The following ABCC8 variants were observed in gnomAD, a reference collection of about 807,000 sequenced individuals.
ABCC8 encodes ATP binding cassette subfamily C member 8, also known as ATP-binding cassette sub-family C member 8.
In ABCC8, 137 loss-of-function variants were observed where a neutral mutation model predicts 188.0. That is an observed-to-expected ratio of 0.73 (90% confidence interval 0.63 to 0.84). The LOEUF is 0.84. Ranked by LOEUF, ABCC8 falls within the 40% of genes least tolerant of loss-of-function variation. The pLI, the probability that ABCC8 is intolerant of heterozygous loss-of-function variation, is 0.00. For synonymous variants in ABCC8, 797 were observed against 846.5 expected, an observed-to-expected ratio of 0.94 and a Z score of 1.01; for missense variants, 1,750 against 2,072.7, an observed-to-expected ratio of 0.84 and a Z score of 3.02.
At chr11:17,407,205 A>T in intron 24 of ABCC8, 76 bp from the exon 25 acceptor site, 5 of 1,601,788 alleles carry the variant, frequency 3.1e-6, no homozygotes, top group Non-Finnish European at 4.3e-6. Flanking sequence ...TTTTATCCCC[A>T]CTTACTGAGG....
rs192576944 is a variant in ABCC8, at chr11:17,459,874, A to C, written c.1011+614T>G. 2.0e-5 allele frequency among the ~76,000 whole-genome samples: 3 copies of C among 152,384 alleles called. No homozygotes were observed. The East Asian group carries it at 5.8e-4, about 29-fold the overall frequency. On this transcript the variant is annotated intron_variant, in intron 6 of 38. Coordinates refer to ENST00000389817, the MANE Select transcript of ABCC8 (RefSeq NM_000352.6). ...ACAACTGCCAAGGCCATTGGATATA[A>C]TCTAGTCTAATAAGTCTCCAGTGTT...
In ABCC8 at chr11:17,396,454, G is replaced by A. The variant is rs141443201; in HGVS notation, c.4119+462C>T. 1,734 of 289,970 alleles carry A rather than the reference G, an allele frequency of 6.0e-3. 8 individuals are homozygous for A. Among genetic ancestry groups the A allele is most frequent in the Non-Finnish European group, 9.1e-3 (1,365 of 150,400 alleles). 18.0% of individuals were successfully genotyped at this position (289,970 alleles called of 1,614,324 possible). A position where few individuals can be genotyped will look rare whatever the true frequency, so the allele number is the denominator to read the frequency against. ...CCAAGGTCAGAGAATGACATGGACA[G>A]CCACAGCAAAGTGAGACAGAGACAA... On this transcript the variant is annotated intron_variant, in intron 33 of 38. Coordinates refer to ENST00000389817, the MANE Select transcript of ABCC8 (RefSeq NM_000352.6).
intron 19 of ABCC8, among the ~76,000 whole-genome samples, chr11:17,413,824 G>C (rs1019521000): frequency 2.0e-5 from 3 of 152,188 alleles, no homozygotes; most frequent in African/African-American, 7.2e-5. Flanking sequence ...GGTTGGTTTA[G>C]GCAGTAATGA....
intron 3 of ABCC8, 193 bp from the exon 4 acceptor site, chr11:17,463,797 C>T (rs1847981964): frequency 9.7e-6 from 2 of 205,456 alleles, no homozygotes; most frequent in South Asian, 3.4e-4. Flanking sequence ...TACGTCTTAA[C>T]ATTCATGAAA....
rs1227230033 is a variant in ABCC8 at position 17,402,692 on chromosome 11, C to T, written c.3619G>A (p.Val1207Ile). The part of the protein sequence containing the change: ...LPLLSHFAET[V>I]EGLTTIRAFR... The stretch of plus-strand genomic sequence containing the variant: ...GCCCGGATGGTGGTGAGTCCTTCTA[C>T]GGTTTCGGCAAAGTGTGAGAGAAGT... The change falls in exon 29 of 39, where the codon GTA becomes ATA. Residue 1207 changes from valine to isoleucine, a missense_variant. Transcript: ENST00000389817. The T allele has an allele frequency of 4.3e-6, 7 of 1,614,090 alleles. No homozygotes were observed. The highest frequency in any genetic ancestry group is 2.2e-5 in the East Asian group (1 of 44,890).
Position 17,474,952 on chromosome 11 carries a change from C to T in ABCC8, c.224G>A (p.Trp75Ter). The T allele has an allele frequency of 1.2e-6, 2 of 1,614,196 alleles. No homozygotes were observed. Among genetic ancestry groups the T allele is most frequent in the Non-Finnish European group, 1.7e-6 (2 of 1,180,046 alleles). Residue 75 changes from tryptophan (W) to a stop codon, truncating the protein, a stop_gained, in exon 2 of 39, where the codon TGG (tryptophan) becomes TAG (stop). Transcript: ENST00000389817. LOFTEE classifies it high-confidence loss of function. ...WLHFPGHNLR[W>*]ILTFMLLFVL... ...GAAGAGCAGCATGAAGGTCAGGATC[C>T]ACCGCAGGTTGTGCCCAGGGAAATG...
At chr11:17,458,928 G>A (rs1263897617) in intron 6 of ABCC8, among the ~76,000 whole-genome samples, 1 of 152,144 alleles carries the variant, frequency 6.6e-6, no homozygotes, top group African/African-American at 2.4e-5. Context: ...TAGCATAAAA[G>A]TATTTTATTT....
chr11:17,428,186 G>T (rs1202194224), intron 14 of ABCC8, 103 bp downstream of exon 14: 2 of 1,569,830 alleles, frequency 1.3e-6, no homozygotes, highest in Non-Finnish European at 1.7e-6. Context: ...CAGGCAGGGT[G>T]ACCTCTGCAG....
At chr11:17,408,662 T>C (rs1296898382) in intron 22 of ABCC8, 145 bp from the exon 23 acceptor site, 23 of 1,332,456 alleles carry the variant, frequency 1.7e-5, no homozygotes, top group Non-Finnish European at 2.2e-5. Context: ...GCAAGTGGGC[T>C]GGTATTGATA....
intron 6 of ABCC8, among the ~76,000 whole-genome samples, chr11:17,455,571 G>A (rs1956962246): frequency 6.6e-6 from 1 of 152,092 alleles, no homozygotes; most frequent in African/African-American, 2.4e-5. Context: ...AAGTCATTGG[G>A]TCATTATTAG....
intron 16 of ABCC8, among the ~76,000 whole-genome samples, chr11:17,422,586 T>C (rs983858149): frequency 3.9e-5 from 6 of 152,180 alleles, no homozygotes; most frequent in African/African-American, 1.4e-4. Flanking sequence ...ACCTCTCTTC[T>C]TGATCAATAC....
chr11:17,420,140 A>G (rs540404700), intron 16 of ABCC8, among the ~76,000 whole-genome samples: 75 of 152,304 alleles, frequency 4.9e-4, no homozygotes, highest in African/African-American at 1.8e-3. Context: ...TGAGGTTCAA[A>G]GAGTGAGCTA....
At chr11:17,429,218 T>C (rs897019649) in intron 12 of ABCC8, 2 of 156,926 alleles carry the variant, frequency 1.3e-5, no homozygotes, top group Non-Finnish European at 2.8e-5. Flanking sequence ...ACTCTTCTAG[T>C]TCATTCTCTC....
chr11:17,406,036 TG>T (rs1355401630), intron 26 of ABCC8, among the ~76,000 whole-genome samples: 1 of 152,236 alleles, frequency 6.6e-6, no homozygotes, highest in African/African-American at 2.4e-5. Flanking sequence ...CTCATGAGGC[TG>T]GAAAGTAAAA....
chr11:17,435,626 T>C lies in ABCC8; in HGVS notation c.1631-3382A>G, dbSNP rs878948418. On this transcript the variant is annotated intron_variant, in intron 10 of 38. Transcript: ENST00000389817. ...TAAAAGTGAGAAACAGAAAGATGGGTGAATGTAATAATGTGTAGGAAGATG... is the reference window on the plus strand; with the variant it reads ...TAAAAGTGAGAAACAGAAAGATGGGCGAATGTAATAATGTGTAGGAAGATG... 15 of 1,399,552 alleles carry C rather than the reference T, an allele frequency of 1.1e-5. No individual in the cohort carries two copies. In the South Asian group the frequency reaches 1.7e-4, roughly 16 times the overall value. 86.7% of individuals were successfully genotyped at this position (1,399,552 alleles called of 1,614,324 possible).
At position 17,397,386 on chromosome 11, in the gene ABCC8, C is replaced by T. The variant is rs1011969032; in HGVS notation, c.3868-73G>A. 3.1e-6 allele frequency: 5 copies of T among 1,598,644 alleles called. No individual in the cohort carries two copies. In the Admixed American group the frequency reaches 5.0e-5, roughly 16 times the overall value. ...GTCCTCAGCCACCAGAATGGCTCTT[C>T]TTAAGGCTGGAGAGGGGCCAGGGCC... On this transcript the variant is annotated intron_variant, in intron 31 of 38. Transcript: ENST00000389817.
chr11:17,464,389 G>A (rs1327204276), intron 3 of ABCC8, among the ~76,000 whole-genome samples: 2 of 152,230 alleles, frequency 1.3e-5, no homozygotes, highest in East Asian at 3.8e-4. Flanking sequence ...TTATACAGGG[G>A]TTAGTGGTGG....
chr11:17,423,794 G>A (rs1205584592), intron 16 of ABCC8, among the ~76,000 whole-genome samples: 3 of 152,206 alleles, frequency 2.0e-5, no homozygotes, highest in Non-Finnish European at 2.9e-5. Context: ...CTGGCCTTTG[G>A]ACTGTCAGGC....
At chr11:17,425,507 T>C (rs1033269767) in intron 16 of ABCC8, among the ~76,000 whole-genome samples, 4 of 152,104 alleles carry the variant, frequency 2.6e-5, no homozygotes, top group African/African-American at 9.7e-5. Flanking sequence ...GCAACTTTTA[T>C]TCCTAAATGA....
Sources: gnomAD v4.1 joint callset for allele counts (sites outside exome capture counted in the v4.1 genomes callset) on GRCh38, gnomAD v4.1.1 for gene constraint, MANE v1.5 for transcripts, NCBI Gene and HGNC (gene_info 2026-07-23, HGNC 2026-07-21) for gene names.